The following ARHGAP11B variants were observed in gnomAD, a reference collection of about 807,000 sequenced individuals.
The protein encoded by ARHGAP11B is Rho GTPase activating protein 11B.
A neutral mutation model predicts 27.6 loss-of-function variants in ARHGAP11B; 14 were observed. The ratio of observed to expected loss-of-function variants is 0.51; its 90% CI spans 0.34 to 0.79. The LOEUF (loss-of-function observed/expected upper bound fraction) is 0.79, where lower values mean the gene tolerates loss of function less well. Ranked by LOEUF, ARHGAP11B falls within the 30% of genes least tolerant of loss-of-function variation. The pLI, the probability that ARHGAP11B is intolerant of heterozygous loss-of-function variation, is 0.02. For missense variants in ARHGAP11B, 245 were observed against 320.1 expected (o/e 0.77, Z 1.79); for synonymous variants, 82 against 114.1 (o/e 0.72, Z 1.80).
chr15:30,630,707 A>G lies in ARHGAP11B; in HGVS notation c.134A>G (p.Lys45Arg), dbSNP rs375947784. 10 of 1,605,388 alleles carry G rather than the reference A, an allele frequency of 6.2e-6. No homozygotes were observed. In the African/African-American group the frequency reaches 1.1e-4, roughly 17 times the overall value. ...TAACTGAATTTGTCATTTTAGGGTA[A>G]AATATTTGGAGTACCTTTTAATGCA... Residue 45 changes from lysine to arginine, a missense_variant, in exon 2 of 11, where the codon AAA (lysine) becomes AGA (arginine). Around this residue, in one of 3 missense-constraint regions of ARHGAP11B, gnomAD observed 107 missense variants for 121.9 expected, o/e 0.88. Coordinates refer to ENST00000428041, the Ensembl canonical transcript of ARHGAP11B.
At chr15:30,626,199 A>T (rs1801834513) in exon 1 of ARHGAP11B, 1 of 152,986 alleles carries the variant, frequency 6.5e-6, no homozygotes, top group East Asian at 1.9e-4. Context: ...CAGTGAACGC[A>T]CCGGGATGTG....
intron 6 of ARHGAP11B, among the ~76,000 whole-genome samples, chr15:30,637,701 T>C (rs1251811291): frequency 6.6e-6 from 1 of 151,730 alleles, no homozygotes; most frequent in Non-Finnish European, 1.5e-5. Flanking sequence ...GCCACTGCAC[T>C]CCAGCCTGGG....
At chr15:30,643,727 T>C (rs570123230) in intron 7 of ARHGAP11B, among the ~76,000 whole-genome samples, 7 of 152,054 alleles carry the variant, frequency 4.6e-5, no homozygotes, top group Non-Finnish European at 1.0e-4. Context: ...GAATTTGGAT[T>C]ATGAGATTAG....
intron 2 of ARHGAP11B, among the ~76,000 whole-genome samples, chr15:30,632,305 C>T: frequency 7.1e-6 from 1 of 141,422 alleles, no homozygotes. Flanking sequence ...CCTATAGTCC[C>T]AGCTAGTCGG....
chr15:30,630,911 C>A, intron 2 of ARHGAP11B, 138 bp downstream of exon 2: 8 of 1,463,024 alleles, frequency 5.5e-6, no homozygotes, highest in South Asian at 1.4e-5. Flanking sequence ...GAGACCTTGT[C>A]GCAAAAGATA....
At chr15:30,642,888 C>A (rs879454698) in intron 7 of ARHGAP11B, among the ~76,000 whole-genome samples, 1 of 151,942 alleles carries the variant, frequency 6.6e-6, no homozygotes, top group Non-Finnish European at 1.5e-5. Flanking sequence ...AAGTTTCTAA[C>A]CAGAAATTAA....
intron 1 of ARHGAP11B, 66 bp from the exon 2 acceptor site, chr15:30,630,637 T>A (rs1167651253): frequency 1.9e-6 from 3 of 1,559,776 alleles, no homozygotes; most frequent in Non-Finnish European, 1.7e-6. Flanking sequence ...TTAATTTGCC[T>A]AAAGTTTAAG....
exon 11 of ARHGAP11B, chr15:30,648,961 C>T (rs1004821190): frequency 6.6e-6 from 1 of 151,958 alleles, no homozygotes; most frequent in Admixed American, 6.6e-5. Context: ...ATGGTATGCT[C>T]ATTAAAAATG....
At position 30,645,374 on chromosome 15, in the gene ARHGAP11B, A is replaced by G. The variant is rs1430837382; in HGVS notation, c.*142+672A>G. Among the ~76,000 whole-genome samples, 8 of 152,154 alleles carry G rather than the reference A, an allele frequency of 5.3e-5. 2 individuals carry two copies. The East Asian group carries it at 1.5e-3, about 29-fold the overall frequency. On this transcript the variant is annotated intron_variant, in intron 8 of 10. Coordinates refer to ENST00000428041, the Ensembl canonical transcript of ARHGAP11B. ...AACTAGCTAAGGGTTTGTATCAGTC[A>G]ACCTAATTACCGATAAAAACAACCA... is the stretch of plus-strand genomic sequence containing the variant.
At chr15:30,632,500 T>A (rs1007911355) in intron 2 of ARHGAP11B, among the ~76,000 whole-genome samples, 3 of 151,962 alleles carry the variant, frequency 2.0e-5, no homozygotes, top group African/African-American at 7.2e-5. Flanking sequence ...TAAATCTTCA[T>A]TGCAATTTCA....
Position 30,648,264 on chromosome 15 carries a change from A to G in ARHGAP11B, c.*372-40A>G, listed in dbSNP as rs181413800. The stretch of plus-strand genomic sequence containing the variant: ...TTATAAGCTAATGAGATTATGATTT[A>G]TAAACTCCCAATGGAAGGAAGTGTC... On this transcript the variant is annotated intron_variant, in intron 10 of 10. Transcript: ENST00000428041. Among the ~76,000 whole-genome samples, 72 of 152,198 alleles carry G rather than the reference A, an allele frequency of 4.7e-4. 1 individual carries two copies. The highest frequency in any genetic ancestry group is 1.7e-3 in the African/African-American group (71 of 41,554).
At chr15:30,627,116 G>GT (rs373706428) in intron 1 of ARHGAP11B, among the ~76,000 whole-genome samples, 167 bp downstream of exon 1, 3,769 of 149,842 alleles carry the variant, frequency 0.025, 149 homozygotes, top group African/African-American at 0.08. Context: ...TGACATTCTT[G>GT]TTTTTTTTTT....
rs935955846 is a variant in ARHGAP11B, at chr15:30,630,918, GAT to G, written c.200+147_200+148del. The G allele has an allele frequency of 2.8e-6, 4 of 1,442,052 alleles. No homozygotes were observed. In the African/African-American group the frequency reaches 5.7e-5, roughly 21 times the overall value. 89.3% of individuals were successfully genotyped at this position (1,442,052 alleles called of 1,614,324 possible). On this transcript the variant is annotated intron_variant, in intron 2 of 10. Transcript: ENST00000428041. The stretch of plus-strand genomic sequence containing the variant: ...AACATGGTGAGACCTTGTCGCAAAA[GAT>G]AGAAAAATTAGCTTGGCGGAGCACA...
intron 6 of ARHGAP11B, among the ~76,000 whole-genome samples, chr15:30,638,479 C>T (rs922442133): frequency 6.6e-6 from 1 of 151,666 alleles, no homozygotes; most frequent in Non-Finnish European, 1.5e-5. Flanking sequence ...TTTTCCCTAC[C>T]CTTACTGTAC....
At chr15:30,640,526 G>T in intron 7 of ARHGAP11B, among the ~76,000 whole-genome samples, 1 of 149,134 alleles carries the variant, frequency 6.7e-6, no homozygotes, top group East Asian at 2.0e-4. Flanking sequence ...AACCAAAAAT[G>T]AAATGAAACT....
intron 8 of ARHGAP11B, among the ~76,000 whole-genome samples, chr15:30,645,244 A>G (rs1160119830): frequency 6.6e-6 from 1 of 151,990 alleles, no homozygotes; most frequent in Non-Finnish European, 1.5e-5. Flanking sequence ...TTTTTTAACA[A>G]ATTATATTTT....
chr15:30,642,957 G>T (rs898475266), intron 7 of ARHGAP11B, among the ~76,000 whole-genome samples: 6 of 152,080 alleles, frequency 3.9e-5, no homozygotes, highest in Admixed American at 3.9e-4. Context: ...TGCTGCTATT[G>T]GAGGGCAGTA....
intron 6 of ARHGAP11B, among the ~76,000 whole-genome samples, chr15:30,636,564 C>G (rs1289977772): frequency 1.3e-5 from 2 of 152,138 alleles, no homozygotes; most frequent in South Asian, 2.1e-4. Context: ...TTCTTTACCT[C>G]CTTTGTAGAT....
chr15:30,644,148 C>G (rs2060331651), intron 7 of ARHGAP11B, among the ~76,000 whole-genome samples: 1 of 151,876 alleles, frequency 6.6e-6, no homozygotes, highest in South Asian at 2.1e-4. Flanking sequence ...TTCTTTCTGT[C>G]CAGGGTTTTG....
Sources: gnomAD v4.1 joint callset for allele counts (sites outside exome capture counted in the v4.1 genomes callset) on GRCh38, gnomAD v4.1.1 for gene constraint, gnomAD v4.1.1 regional missense constraint, MANE v1.5 for transcripts, NCBI Gene and HGNC (gene_info 2026-07-23, HGNC 2026-07-21) for gene names.